HPR: variants seen among roughly 807,000 people sequenced by gnomAD.
HPR encodes the protein Haptoglobin-related locus.
Under a neutral mutation model 18.5 loss-of-function variants are expected in HPR, and 17 were observed. The observed-to-expected ratio is 0.92, with a 90% confidence interval of 0.63 to 1.38. The LOEUF is 1.38. HPR is among the 40% of genes most tolerant of loss of function. The probability of loss-of-function intolerance (pLI) is 0.00; values close to 1 mark genes in which losing one functional copy is unlikely to be tolerated. For synonymous variants in HPR, 176 were observed against 165.0 expected, an observed-to-expected ratio of 1.07 and a Z score of -0.51; for missense variants, 457 against 432.4, an observed-to-expected ratio of 1.06 and a Z score of -0.51.
At chr16:72,067,144 C>T (rs969862058) in intron 1 of HPR, among the ~76,000 whole-genome samples, 23 of 152,304 alleles carry the variant, frequency 1.5e-4, no homozygotes, top group African/African-American at 5.5e-4. Flanking sequence ...AGCCCTTCCA[C>T]TCACGACCTT....
chr16:72,064,522 T>C (rs2041577301), intron 1 of HPR, among the ~76,000 whole-genome samples: 1 of 152,150 alleles, frequency 6.6e-6, no homozygotes, highest in African/African-American at 2.4e-5. Flanking sequence ...TGCAACCACA[T>C]TCCTGCACTT....
Position 72,074,402 on chromosome 16 carries a change from TATCTC to T in HPR, c.193+18_193+22del. On this transcript the variant is annotated intron_variant, in intron 3 of 4. Transcript: ENST00000540303. ...AAGGAGATGGTAAGACCTGGACAAC[TATCTC>T]TGTGCTCTACCTACAACCCCTGCTC... The T allele has an allele frequency of 6.4e-7, 1 of 1,567,126 alleles. No homozygotes were observed. Among genetic ancestry groups the T allele is most frequent in the Non-Finnish European group, 8.8e-7 (1 of 1,136,982 alleles).
intron 1 of HPR, among the ~76,000 whole-genome samples, chr16:72,069,285 C>A (rs2041630703): frequency 6.6e-6 from 1 of 152,292 alleles, no homozygotes; most frequent in Middle Eastern, 3.4e-3. Context: ...CATCCAAGTA[C>A]TGGATAACCT....
In HPR at chr16:72,076,814, C is replaced by T; in HGVS notation, c.780C>T (p.Cys260=). Residue 260 remains cysteine (C), a synonymous_variant, in exon 5 of 5, where the codon TGC becomes TGT. Transcript: ENST00000540303. ...TAACGCATTATGAAGGCAGCACATG[C>T]CCCAAATGGAAGGCACCGAAGAGCC... ...DCITHYEGST[C]PKWKAPKSPV... The T allele has an allele frequency of 6.2e-7, 1 of 1,614,218 alleles. No individual in the cohort carries two copies. The highest frequency in any genetic ancestry group is 1.6e-4 in the Middle Eastern group (1 of 6,062).
intron 1 of HPR, among the ~76,000 whole-genome samples, chr16:72,069,352 CT>C (rs1327361112): frequency 1.3e-5 from 2 of 152,134 alleles, no homozygotes; most frequent in African/African-American, 4.8e-5. Flanking sequence ...AAAAGCCTTT[CT>C]TTTGAAAGTC....
rs2041685695 is a variant in HPR, at chr16:72,073,893, G to A, written c.7G>A (p.Asp3Asn). The A allele has an allele frequency of 6.2e-7, 1 of 1,613,980 alleles. No individual in the cohort carries two copies. The part of the protein sequence containing the change: MS[D>N]LGAVISLLLW... ...CTCCTTCTTGTTTTCTCTCTGCAGT[G>A]ACCTGGGAGCTGTCATTTCCCTCCT... Residue 3 changes from aspartate (D) to asparagine (N), a missense_variant and splice_region_variant, in exon 2 of 5, where the codon GAC (aspartate) becomes AAC (asparagine). Physicochemically the swap from Asp to Asn is conservative, Grantham distance 23. Transcript: ENST00000540303.
At chr16:72,070,078 A>G (rs1348460480) in intron 1 of HPR, among the ~76,000 whole-genome samples, 2 of 152,224 alleles carry the variant, frequency 1.3e-5, no homozygotes, top group Admixed American at 1.3e-4. Context: ...AGAAGAGTAG[A>G]AAGGATGAAT....
At chr16:72,068,099 C>G (rs1205250691) in intron 1 of HPR, among the ~76,000 whole-genome samples, 1 of 152,136 alleles carries the variant, frequency 6.6e-6, no homozygotes, top group African/African-American at 2.4e-5. Flanking sequence ...AAGTGCTAGA[C>G]AAAGTTTCTG....
intron 1 of HPR, among the ~76,000 whole-genome samples, chr16:72,073,244 C>T (rs1033630572): frequency 2.0e-5 from 3 of 152,274 alleles, no homozygotes; most frequent in South Asian, 2.1e-4. Flanking sequence ...TTCCTTTGTT[C>T]GGGGTGCTCT....
intron 4 of HPR, among the ~76,000 whole-genome samples, chr16:72,075,749 C>T (rs2041713128): frequency 6.6e-6 from 1 of 152,190 alleles, no homozygotes; most frequent in African/African-American, 2.4e-5. Flanking sequence ...AAAGTATGAG[C>T]TCCAGCCAAT....
At chr16:72,066,033 C>T (rs1433343342) in intron 1 of HPR, among the ~76,000 whole-genome samples, 1 of 152,186 alleles carries the variant, frequency 6.6e-6, no homozygotes, top group African/African-American at 2.4e-5. Flanking sequence ...TCATTGCCAA[C>T]CTAAATATCC....
intron 1 of HPR, among the ~76,000 whole-genome samples, chr16:72,069,739 A>G (rs993650265): frequency 3.3e-5 from 5 of 152,206 alleles, no homozygotes; most frequent in African/African-American, 1.2e-4. Context: ...GATTCTAAGA[A>G]AACCGCCCCT....
intron 1 of HPR, among the ~76,000 whole-genome samples, chr16:72,066,408 C>G (rs1398884379): frequency 1.3e-5 from 2 of 152,180 alleles, no homozygotes; most frequent in South Asian, 4.1e-4. Context: ...TGAACACCCT[C>G]CTGGTCAAAA....
At chr16:72,071,425 G>A (rs1437054622) in intron 1 of HPR, among the ~76,000 whole-genome samples, 1 of 152,194 alleles carries the variant, frequency 6.6e-6, no homozygotes, top group Non-Finnish European at 1.5e-5. Flanking sequence ...GGCATAAGCT[G>A]TATGGTAGTT....
chr16:72,074,811 G>C (rs1313812894), intron 3 of HPR: 1 of 651,504 alleles, frequency 1.5e-6, no homozygotes, highest in Non-Finnish European at 2.8e-6. Context: ...TGCTGATAAG[G>C]AAACAGAGGC....
rs1282457355 is a variant in HPR, at chr16:72,076,602, G to C, written c.568G>C (p.Gly190Arg). 1.2e-6 allele frequency: 2 copies of C among 1,614,182 alleles called. No homozygotes were observed. The highest frequency in any genetic ancestry group is 1.7e-6 in the Non-Finnish European group (2 of 1,180,018). The part of the protein sequence containing the change: ...LHPNYHQVDI[G>R]LIKLKQKVLV... Reference sequence around the variant, plus strand: ...CCCTAACTACCACCAGGTAGATATTGGGCTCATCAAACTCAAACAGAAGGT... The same window carrying C: ...CCCTAACTACCACCAGGTAGATATTCGGCTCATCAAACTCAAACAGAAGGT... The change falls in exon 5 of 5, where the codon GGG (glycine) becomes CGG (arginine). Residue 190 changes from glycine to arginine, a missense_variant. Gly to Arg is a moderately radical substitution (Grantham distance 125). Coordinates refer to ENST00000540303, the MANE Select transcript of HPR (RefSeq NM_020995.4).
At chr16:72,065,762 T>C (rs2041591360) in intron 1 of HPR, among the ~76,000 whole-genome samples, 1 of 152,106 alleles carries the variant, frequency 6.6e-6, no homozygotes, top group Admixed American at 6.5e-5. Context: ...GGACCTGTCC[T>C]CCTCTTTCCC....
chr16:72,064,071 C>G (rs1381777169), intron 1 of HPR, among the ~76,000 whole-genome samples: 1 of 152,132 alleles, frequency 6.6e-6, no homozygotes, highest in Non-Finnish European at 1.5e-5. Context: ...CAAATAGTGC[C>G]TGAATGGTGG....
rs1301725504 is a variant in HPR, at chr16:72,076,933, C to T, written c.899C>T (p.Ala300Val). The T allele has an allele frequency of 1.9e-6, 3 of 1,614,090 alleles. No individual in the cohort carries two copies. Among genetic ancestry groups the T allele is most frequent in the African/African-American group, 1.3e-5 (1 of 74,918 alleles). ...ACCTGCTATGGCGATGCGGGCAGTG[C>T]CTTTGCCGTTCACGACCTGGAGGAG... ...EDTCYGDAGS[A>V]FAVHDLEEDT... Residue 300 changes from alanine to valine, a missense_variant, in exon 5 of 5, where the codon GCC becomes GTC. Ala to Val is a moderately conservative substitution (Grantham distance 64). Coordinates refer to ENST00000540303, the MANE Select transcript of HPR (RefSeq NM_020995.4).
Sources: gnomAD v4.1 joint callset for allele counts (sites outside exome capture counted in the v4.1 genomes callset) on GRCh38, gnomAD v4.1.1 for gene constraint, MANE v1.5 for transcripts, NCBI Gene and HGNC (gene_info 2026-07-23, HGNC 2026-07-21) for gene names.